Variants in RFX2 observed in about 807,000 individuals in gnomAD.
RFX2 encodes regulatory factor X2, also known as DNA-binding protein RFX2.
Under a neutral mutation model 87.8 loss-of-function variants are expected in RFX2, and 20 were observed. The observed-to-expected ratio is 0.23, with a 90% CI of 0.16 to 0.33. The LOEUF (loss-of-function observed/expected upper bound fraction) is 0.33, where lower values mean the gene tolerates loss of function less well. Ranked by LOEUF, RFX2 falls within the 10% of genes least tolerant of loss-of-function variation. The pLI is 1.00. For synonymous variants in RFX2, 397 were observed against 431.3 expected (o/e 0.92, Z 0.98); for missense variants, 767 against 1,012.3 (o/e 0.76, Z 3.29).
chr19:6,092,480 C>T (rs145056524), intron 1 of RFX2, among the ~76,000 whole-genome samples: 12 of 152,304 alleles, frequency 7.9e-5, no homozygotes, highest in African/African-American at 2.9e-4. Flanking sequence ...GAGTTTACAG[C>T]CACGCGTCCA....
Position 6,013,248 on chromosome 19 carries a change from C to A in RFX2, c.780-143G>T. The A allele has an allele frequency of 1.3e-6, 1 of 757,700 alleles. No individual in the cohort carries two copies. The highest frequency in any genetic ancestry group is 1.8e-5 in the African/African-American group (1 of 55,054). The allele number at this position is 757,700 out of a possible 1,614,324, so 46.9% of individuals were successfully genotyped here. On this transcript the variant is annotated intron_variant, in intron 7 of 17. Coordinates refer to ENST00000303657, the MANE Select transcript of RFX2 (RefSeq NM_000635.4). This position sits in a 1 kb window ranked among gnomAD's most constrained non-coding sequence, Gnocchi z 4.1. ...TCGCCCAGGCTGGAGTACAGCAGTG[C>A]CATCTCGGCTCACTGCAATCTCCGC...
intron 5 of RFX2, among the ~76,000 whole-genome samples, chr19:6,028,896 G>A (rs1312713712): frequency 6.6e-6 from 1 of 152,046 alleles, no homozygotes; most frequent in African/African-American, 2.4e-5. Flanking sequence ...CTAACATGGT[G>A]AAACCCTGTC....
chr19:6,071,123 T>G (rs532335897), intron 1 of RFX2, among the ~76,000 whole-genome samples: 55 of 152,386 alleles, frequency 3.6e-4, no homozygotes, highest in African/African-American at 1.3e-3. Flanking sequence ...ATACCTATTT[T>G]TCTTGCTATG....
At chr19:6,041,027 G>A (rs915668484) in intron 4 of RFX2, among the ~76,000 whole-genome samples, 3 of 152,128 alleles carry the variant, frequency 2.0e-5, no homozygotes, top group Non-Finnish European at 4.4e-5. Context: ...AAGGCCTGTG[G>A]GCTAGTTAAC....
intron 1 of RFX2, among the ~76,000 whole-genome samples, chr19:6,059,591 G>A (rs1188210510): frequency 2.0e-5 from 3 of 152,110 alleles, no homozygotes; most frequent in African/African-American, 4.8e-5. Context: ...CAAGCTAGAG[G>A]CCGAGCAGCA....
chr19:6,007,287 TC>T lies in RFX2; in HGVS notation c.1248-122del. The T allele has an allele frequency of 9.9e-7, 1 of 1,013,570 alleles. No homozygotes were observed. The highest frequency in any genetic ancestry group is 1.6e-5 in the African/African-American group (1 of 62,072). 62.8% of individuals were successfully genotyped at this position (1,013,570 alleles called of 1,614,324 possible). On this transcript the variant is annotated intron_variant, in intron 11 of 17. Coordinates refer to ENST00000303657, the MANE Select transcript of RFX2 (RefSeq NM_000635.4). This position sits in a 1 kb window ranked among gnomAD's most constrained non-coding sequence, Gnocchi z 8.2. ...CCCAACAGTGGGGCTGGGGTTTTGC[TC>T]CCCATCCCTGAGCCTCGATGGGTCC...
At chr19:6,094,229 C>CTTTT (rs151073870) in intron 1 of RFX2, among the ~76,000 whole-genome samples, 1 of 151,624 alleles carries the variant, frequency 6.6e-6, no homozygotes. Context: ...GCCAGAGGCT[C>CTTTT]TTTTTTTCTT....
At chr19:6,072,693 A>G (rs2087625070) in intron 1 of RFX2, 1 of 399,450 alleles carries the variant, frequency 2.5e-6, no homozygotes, top group African/African-American at 2.1e-5. Context: ...CGACAGAGAG[A>G]GATCCTGTCT....
chr19:6,102,066 A>T (rs955017545), intron 1 of RFX2, among the ~76,000 whole-genome samples: 1 of 152,220 alleles, frequency 6.6e-6, no homozygotes, highest in African/African-American at 2.4e-5. Context: ...GATTCCACTT[A>T]TATAGTGTAT....
intron 16 of RFX2, 73 bp from the exon 17 acceptor site, chr19:5,995,716 C>T (rs993524663): frequency 7.4e-6 from 10 of 1,358,536 alleles, no homozygotes; most frequent in South Asian, 6.2e-5. Context: ...CGGGGGATGC[C>T]GGCCCAACCT....
At chr19:6,046,089 A>G (rs1264301172) in intron 2 of RFX2, among the ~76,000 whole-genome samples, 1 of 152,206 alleles carries the variant, frequency 6.6e-6, no homozygotes, top group Non-Finnish European at 1.5e-5. Context: ...ACCTCTGCAC[A>G]CTGTGATGAG....
intron 5 of RFX2, among the ~76,000 whole-genome samples, chr19:6,037,375 T>C (rs1365956578): frequency 6.7e-6 from 1 of 149,386 alleles, no homozygotes; most frequent in East Asian, 2.0e-4. Flanking sequence ...ATCCTAGAAA[T>C]GAACAGTTGG....
intron 1 of RFX2, among the ~76,000 whole-genome samples, chr19:6,054,253 A>G (rs1260713528): frequency 1.3e-5 from 2 of 152,184 alleles, no homozygotes; most frequent in Admixed American, 1.3e-4. Flanking sequence ...TGAATATGTT[A>G]TTGGAAACTT....
In RFX2 at chr19:6,046,454, G is replaced by A. The variant is rs908697365; in HGVS notation, c.90+953C>T. Among the ~76,000 whole-genome samples the A allele has an allele frequency of 3.3e-5, 5 of 151,400 alleles. No homozygotes were observed. The South Asian group carries it at 6.2e-4, about 19-fold the overall frequency. ...AAATTAGCCGGGCGTGGTAGTACAC[G>A]CCTGTAATCCCAGCTACTCGGGAGG... On this transcript the variant is annotated intron_variant, in intron 2 of 17. Coordinates refer to ENST00000303657, the MANE Select transcript of RFX2 (RefSeq NM_000635.4).
chr19:6,037,436 A>G (rs1178164358), intron 5 of RFX2, among the ~76,000 whole-genome samples: 2 of 152,218 alleles, frequency 1.3e-5, no homozygotes, highest in African/African-American at 4.8e-5. Context: ...GCCATTTACA[A>G]TAGCTCTCCA....
intron 1 of RFX2, among the ~76,000 whole-genome samples, chr19:6,079,884 CAAAA>C (rs1160044956): frequency 3.9e-5 from 3 of 76,618 alleles, no homozygotes; most frequent in South Asian, 5.0e-4. Context: ...GACTCTGTCT[CAAAA>C]AAAAAAAAAA....
At chr19:6,019,057 AC>A (rs1037306254) in intron 6 of RFX2, among the ~76,000 whole-genome samples, 3 of 144,150 alleles carry the variant, frequency 2.1e-5, no homozygotes, top group East Asian at 2.1e-4. Context: ...AGTGTCCCCC[AC>A]CCCCCCGCCA....
chr19:6,002,911 G>C lies in RFX2; in HGVS notation c.1501-41C>G. 6.4e-7 allele frequency: 1 copy of C among 1,573,586 alleles called. No homozygotes were observed. The highest frequency in any genetic ancestry group is 8.6e-7 in the Non-Finnish European group (1 of 1,165,224). ...CGTGGTGAGCAGGGGTTCGCAGGGA[G>C]AGCCTGTTCCGCTGCGCTCCTTGCA... On this transcript the variant is annotated intron_variant, in intron 13 of 17. Coordinates refer to ENST00000303657, the MANE Select transcript of RFX2 (RefSeq NM_000635.4). This position sits in a 1 kb window ranked among gnomAD's most constrained non-coding sequence, Gnocchi z 6.7.
rs1378904451 is a variant in RFX2 at position 6,064,260 on chromosome 19, T to C, written c.-8-16756A>G. Among the ~76,000 whole-genome samples the C allele has an allele frequency of 1.3e-5, 2 of 152,248 alleles. No homozygotes were observed. The highest frequency in any genetic ancestry group is 4.8e-5 in the African/African-American group (2 of 41,474). ...CCGTCTTCAGCTGAGCACAGGGGCC[T>C]GTCCCAGGATTCTTGGAAGCGGCTT... is the stretch of plus-strand genomic sequence containing the variant. On this transcript the variant is annotated intron_variant, in intron 1 of 17. Coordinates refer to ENST00000303657, the MANE Select transcript of RFX2 (RefSeq NM_000635.4). The surrounding 1 kb of genome is among the most constrained non-coding windows in gnomAD (Gnocchi z 4.8).
Sources: allele counts gnomAD v4.1 joint callset (sites outside exome capture counted in the v4.1 genomes callset), GRCh38; gene constraint gnomAD v4.1.1; non-coding constraint Gnocchi (gnomAD v3.1); transcripts MANE v1.5; gene names NCBI Gene and HGNC (gene_info 2026-07-23, HGNC 2026-07-21).